Variants in NEDD9 observed in about 807,000 individuals in gnomAD.
NEDD9 encodes the protein neural precursor cell expressed, developmentally down-regulated 9.
In NEDD9, 26 loss-of-function variants were observed where a neutral mutation model predicts 76.6. The ratio of observed to expected loss-of-function variants is 0.34; its 90% CI spans 0.25 to 0.47. The LOEUF (loss-of-function observed/expected upper bound fraction) is 0.47, where lower values mean the gene tolerates loss of function less well. Among genes scored for constraint, NEDD9 ranks in the 20% least tolerant of loss-of-function variants. The pLI is 1.00. For missense variants in NEDD9, 937 were observed against 1,058.5 expected (o/e 0.89, Z 1.59); for synonymous variants, 392 against 414.2 (o/e 0.95, Z 0.65).
At chr6:11,311,694 C>T (rs1761371948) in intron 2 of NEDD9, among the ~76,000 whole-genome samples, 2 of 152,178 alleles carry the variant, frequency 1.3e-5, no homozygotes, top group Admixed American at 1.3e-4. Flanking sequence ...TATTAGTTTG[C>T]TAGAGCTGCC....
intron 3 of NEDD9, among the ~76,000 whole-genome samples, chr6:11,257,787 G>GTGTGTGTT (rs1435745692): frequency 6.6e-6 from 1 of 151,318 alleles, no homozygotes; most frequent in East Asian, 1.9e-4. Context: ...GTGTGTGTGT[G>GTGTGTGTT]TGTGTGTGTG....
intron 1 of NEDD9, among the ~76,000 whole-genome samples, chr6:11,346,719 C>T (rs950574522): frequency 6.6e-6 from 1 of 152,162 alleles, no homozygotes; most frequent in Admixed American, 6.5e-5. Context: ...CTTTTCAAGG[C>T]TCTTGACTTG....
chr6:11,191,047 G>T lies in NEDD9; in HGVS notation c.822C>A (p.Asp274Glu), dbSNP rs1329786788. 2.5e-6 allele frequency: 4 copies of T among 1,613,948 alleles called. No individual in the cohort carries two copies. In the African/African-American group the frequency reaches 5.3e-5, roughly 22 times the overall value. ...TGTCACAGTTGTATTTTACATGAAG[G>T]TCCTTCCCTGCTGGCTTGGTGCAGG... is the stretch of plus-strand genomic sequence containing the variant. ...PPTCTKPAGK[D>E]LHVKYNCDIP... The change falls in exon 5 of 7, where the codon GAC (aspartate) becomes GAA (glutamate). Residue 274 changes from aspartate (D) to glutamate (E), a missense_variant. Transcript: ENST00000379446.
chr6:11,353,777 A>G (rs1305518207), intron 1 of NEDD9, among the ~76,000 whole-genome samples: 1 of 152,260 alleles, frequency 6.6e-6, no homozygotes, highest in Non-Finnish European at 1.5e-5. Context: ...ATGATTATAT[A>G]GAAATTGAAA....
chr6:11,368,130 G>C (rs536931125), intron 1 of NEDD9, among the ~76,000 whole-genome samples: 1 of 152,312 alleles, frequency 6.6e-6, no homozygotes, highest in East Asian at 1.9e-4. Flanking sequence ...GCCCTCAGTG[G>C]CTTCTCCCCT....
intron 1 of NEDD9, among the ~76,000 whole-genome samples, chr6:11,355,558 G>A (rs1401367444): frequency 1.3e-5 from 2 of 152,150 alleles, no homozygotes; most frequent in Non-Finnish European, 2.9e-5. Flanking sequence ...GATGCCTTTA[G>A]TCTTGGGCAG....
intron 1 of NEDD9, among the ~76,000 whole-genome samples, chr6:11,368,336 G>A (rs1328201153): frequency 6.6e-6 from 1 of 152,204 alleles, no homozygotes; most frequent in African/African-American, 2.4e-5. Flanking sequence ...CATTAGCACA[G>A]AAAAATTAAG....
chr6:11,339,431 A>T (rs1762229993), intron 1 of NEDD9, among the ~76,000 whole-genome samples: 1 of 152,226 alleles, frequency 6.6e-6, no homozygotes, highest in South Asian at 2.1e-4. Flanking sequence ...TCATTAAATA[A>T]ATGGATACTC....
At chr6:11,346,000 C>G (rs986803657) in intron 1 of NEDD9, among the ~76,000 whole-genome samples, 1 of 152,222 alleles carries the variant, frequency 6.6e-6, no homozygotes, top group Non-Finnish European at 1.5e-5. Context: ...CAGGACCTCC[C>G]TATCTAAGGC....
At chr6:11,342,390 A>T (rs1762291356) in intron 1 of NEDD9, among the ~76,000 whole-genome samples, 1 of 143,320 alleles carries the variant, frequency 7.0e-6, no homozygotes, top group Admixed American at 6.8e-5. Context: ...CAGTCAAATG[A>T]CTGAACACTG....
intron 2 of NEDD9, chr6:11,328,926 A>G (rs1394871183): frequency 6.6e-6 from 1 of 152,242 alleles, no homozygotes. Context: ...AGGACCATAA[A>G]CATTTCAGAA....
At chr6:11,298,960 G>A (rs535598815) in intron 3 of NEDD9, among the ~76,000 whole-genome samples, 1 of 152,326 alleles carries the variant, frequency 6.6e-6, no homozygotes, top group African/African-American at 2.4e-5. Flanking sequence ...TCCAACTGAG[G>A]CACCTGATTC....
At chr6:11,206,675 T>C (rs756087348) in intron 2 of NEDD9, among the ~76,000 whole-genome samples, 5 of 152,240 alleles carry the variant, frequency 3.3e-5, no homozygotes, top group Non-Finnish European at 5.9e-5. Flanking sequence ...GCATTATCTA[T>C]AAAATTTAGA....
intron 3 of NEDD9, among the ~76,000 whole-genome samples, chr6:11,259,817 A>G (rs1760072619): frequency 6.6e-6 from 1 of 152,194 alleles, no homozygotes; most frequent in South Asian, 2.1e-4. Flanking sequence ...TAGCAATTTT[A>G]ACGTGTAGGA....
At chr6:11,193,826 C>T in intron 2 of NEDD9, 134 bp from the exon 3 acceptor site, 1 of 566,364 alleles carries the variant, frequency 1.8e-6, no homozygotes, top group Non-Finnish European at 3.1e-6. Flanking sequence ...GAAGACATAA[C>T]AGGAAGGAGA....
chr6:11,196,330 C>CA lies in NEDD9; in HGVS notation c.460-2639dup, dbSNP rs201738015. On this transcript the variant is annotated intron_variant, in intron 2 of 6. Coordinates refer to ENST00000379446, the MANE Select transcript of NEDD9 (RefSeq NM_006403.4). ...AAACAAAACAAAACAAACAAACAAA[C>CA]AAAAAACCCAGAAGGGGATTGGGAG... 9.3e-3 allele frequency among the ~76,000 whole-genome samples: 1,414 copies of CA among 152,066 alleles called. 17 individuals carry two copies. Among genetic ancestry groups the CA allele is most frequent in the African/African-American group, 0.032 (1,323 of 41,464 alleles).
At chr6:11,248,219 A>G (rs1165875846) in intron 3 of NEDD9, among the ~76,000 whole-genome samples, 1 of 152,000 alleles carries the variant, frequency 6.6e-6, no homozygotes, top group African/African-American at 2.4e-5. Context: ...AATAGATTTG[A>G]GAAGGAAAAA....
chr6:11,319,724 TCA>T (rs1037882579), intron 2 of NEDD9, among the ~76,000 whole-genome samples: 4 of 123,958 alleles, frequency 3.2e-5, no homozygotes, highest in Admixed American at 7.8e-5. Context: ...ACATGCACAC[TCA>T]CACACTAACA....
rs1279262281 is a variant in NEDD9, at chr6:11,232,530, G to C, written c.-15C>G. On this transcript the variant is annotated 5_prime_UTR_variant, in exon 1 of 7. Transcript: ENST00000379446. ...TTATACTTCATTTCGGCAGCGGTGG[G>C]TTGAGCCGTTTTCCTACACTAGTTA... 1.2e-6 allele frequency: 2 copies of C among 1,614,050 alleles called. No individual in the cohort carries two copies. Among genetic ancestry groups the C allele is most frequent in the Non-Finnish European group, 1.7e-6 (2 of 1,180,020 alleles).
Sources: gnomAD v4.1 joint callset for allele counts (sites outside exome capture counted in the v4.1 genomes callset) on GRCh38, gnomAD v4.1.1 for gene constraint, MANE v1.5 for transcripts, NCBI Gene and HGNC (gene_info 2026-07-23, HGNC 2026-07-21) for gene names.